The following DUSP10 variants were observed in gnomAD, a reference collection of about 807,000 sequenced individuals.
The protein encoded by DUSP10 is dual specificity phosphatase 10, also known as dual specificity protein phosphatase 10.
In DUSP10, 14 loss-of-function variants were observed where a neutral mutation model predicts 30.8. That is an observed-to-expected ratio of 0.46 (90% confidence interval 0.30 to 0.71). The LOEUF (loss-of-function observed/expected upper bound fraction) is 0.71. Ranked by LOEUF, DUSP10 falls within the 30% of genes least tolerant of loss-of-function variation. DUSP10 has a pLI of 0.08. For missense variants in DUSP10, 550 were observed against 619.4 expected (o/e 0.89, Z 1.19); for synonymous variants, 254 against 250.4 (o/e 1.01, Z -0.14).
At chr1:221,714,648 A>G (rs1365684951) in intron 2 of DUSP10, among the ~76,000 whole-genome samples, 2 of 152,142 alleles carry the variant, frequency 1.3e-5, no homozygotes, top group Non-Finnish European at 2.9e-5. Context: ...AGACTATAAA[A>G]TCTGGCACAT....
At chr1:221,729,749 G>C (rs1285038872) in intron 2 of DUSP10, among the ~76,000 whole-genome samples, 1 of 152,208 alleles carries the variant, frequency 6.6e-6, no homozygotes, top group Non-Finnish European at 1.5e-5. Context: ...ATTAACTGAT[G>C]TTCTGCTGGC....
intron 2 of DUSP10, among the ~76,000 whole-genome samples, chr1:221,716,675 C>A (rs891236140): frequency 2.6e-5 from 4 of 152,320 alleles, no homozygotes; most frequent in African/African-American, 9.6e-5. Context: ...AGGGTGCCTA[C>A]CAAGATCCAG....
At chr1:221,715,213 T>C (rs939788517) in intron 2 of DUSP10, among the ~76,000 whole-genome samples, 3 of 152,126 alleles carry the variant, frequency 2.0e-5, no homozygotes, top group Non-Finnish European at 4.4e-5. Context: ...GTAAACTGAG[T>C]CAGAAACATC....
intron 2 of DUSP10, among the ~76,000 whole-genome samples, chr1:221,732,583 CTGTTGA>C (rs1322587956): frequency 6.6e-6 from 1 of 152,200 alleles, no homozygotes; most frequent in African/African-American, 2.4e-5. Context: ...ATACCTCAGT[CTGTTGA>C]TATCTATTGA....
intron 2 of DUSP10, among the ~76,000 whole-genome samples, chr1:221,738,648 CCT>C (rs1661850937): frequency 6.6e-6 from 1 of 152,164 alleles, no homozygotes; most frequent in South Asian, 2.1e-4. Flanking sequence ...GTATAAAGCC[CCT>C]TTTTAGAAAG....
At position 221,706,042 on chromosome 1, in the gene DUSP10, G is replaced by T; in HGVS notation, c.1183+53C>A. On this transcript the variant is annotated intron_variant, in intron 3 of 3. Coordinates refer to ENST00000366899, the MANE Select transcript of DUSP10 (RefSeq NM_007207.6). This position sits in a 1 kb window ranked among gnomAD's most constrained non-coding sequence, Gnocchi z 4.6. ...CCTTGAACTTGATATCAAAGCAAGA[G>T]CTGGAGGGAAAAGGAAGGCAGCGGA... 1 of 1,572,794 alleles carries T rather than the reference G, an allele frequency of 6.4e-7. No individual in the cohort carries two copies. The highest frequency in any genetic ancestry group is 8.6e-7 in the Non-Finnish European group (1 of 1,158,058).
intron 2 of DUSP10, among the ~76,000 whole-genome samples, chr1:221,728,424 G>A (rs1029871820): frequency 3.9e-5 from 6 of 152,130 alleles, no homozygotes; most frequent in Non-Finnish European, 8.8e-5. Context: ...CTTCAAATGT[G>A]TTCATTATTA....
intron 2 of DUSP10, among the ~76,000 whole-genome samples, chr1:221,727,958 C>T (rs116575000): frequency 1.7e-3 from 262 of 152,152 alleles, no homozygotes; most frequent in Middle Eastern, 0.017. Flanking sequence ...AAAGATGGGG[C>T]CTTTAAGAGG....
At position 221,702,286 on chromosome 1, in the gene DUSP10, G is replaced by T; in HGVS notation, c.*126C>A. The T allele has an allele frequency of 9.0e-7, 1 of 1,113,932 alleles. No individual in the cohort carries two copies. Among genetic ancestry groups the T allele is most frequent in the Non-Finnish European group, 1.3e-6 (1 of 780,372 alleles). The allele number at this position is 1,113,932 out of a possible 1,614,324, so 69.0% of individuals were successfully genotyped here. A position where few individuals can be genotyped will look rare whatever the true frequency, so the allele number is the denominator to read the frequency against. On this transcript the variant is annotated 3_prime_UTR_variant, in exon 4 of 4. Coordinates refer to ENST00000366899, the MANE Select transcript of DUSP10 (RefSeq NM_007207.6). This position sits in a 1 kb window ranked among gnomAD's most constrained non-coding sequence, Gnocchi z 4.5. Reference sequence around the variant, plus strand: ...TGTTAAAAATAAAGTGTTTAAACAAGTTTGTTTCCATTCACAAACTTACTC... The same window carrying T: ...TGTTAAAAATAAAGTGTTTAAACAATTTTGTTTCCATTCACAAACTTACTC...
Position 221,739,523 on chromosome 1 carries a change from T to C in DUSP10, c.222A>G (p.Gly74=). The part of the protein sequence containing the change: ...SSGSARSLNC[G]CSSASCCTVA... Reference sequence around the variant, plus strand: ...CAGTGCAGCAGCTGGCACTGCTGCATCCACAATTCAGCGAGCGGGCAGAGC... The same window carrying C: ...CAGTGCAGCAGCTGGCACTGCTGCACCCACAATTCAGCGAGCGGGCAGAGC... Residue 74 remains glycine (G), a synonymous_variant, in exon 2 of 4, where the codon GGA becomes GGG. Coordinates refer to ENST00000366899, the MANE Select transcript of DUSP10 (RefSeq NM_007207.6). The C allele has an allele frequency of 1.9e-6, 3 of 1,614,132 alleles. No homozygotes were observed. The highest frequency in any genetic ancestry group is 2.5e-6 in the Non-Finnish European group (3 of 1,180,020).
chr1:221,731,589 C>G (rs2102647279), intron 2 of DUSP10, among the ~76,000 whole-genome samples: 1 of 149,314 alleles, frequency 6.7e-6, no homozygotes, highest in African/African-American at 2.5e-5. Context: ...TTAGAAAAGG[C>G]TAGGCTATTT....
At chr1:221,734,320 G>A (rs897390466) in intron 2 of DUSP10, among the ~76,000 whole-genome samples, 2 of 152,172 alleles carry the variant, frequency 1.3e-5, no homozygotes, top group African/African-American at 4.8e-5. Flanking sequence ...ATATGTTTTT[G>A]CAATTACTTG....
At chr1:221,732,404 G>C (rs1297336746) in intron 2 of DUSP10, among the ~76,000 whole-genome samples, 2 of 152,114 alleles carry the variant, frequency 1.3e-5, no homozygotes, top group Admixed American at 1.3e-4. Flanking sequence ...CTAATATCCA[G>C]GTAAATATAT....
intron 1 of DUSP10, among the ~76,000 whole-genome samples, chr1:221,740,017 ATGT>A (rs1398692565): frequency 6.6e-6 from 1 of 152,216 alleles, no homozygotes; most frequent in African/African-American, 2.4e-5. Flanking sequence ...TTTGGATGTA[ATGT>A]TGTAAATGTT....
Position 221,739,398 on chromosome 1 carries a change from T to G in DUSP10, c.347A>C (p.Gln116Pro). ...TGTATTCTCATTATTGTTGACCATC[T>G]GGTTAGCAGGGCAGGTGGTAGAGGT... ...IGTSTTCPAN[Q>P]MVNNNENTGS... Residue 116 changes from glutamine (Q) to proline (P), a missense_variant, in exon 2 of 4, where the codon CAG (glutamine) becomes CCG (proline). By Grantham distance (76) the Gln-to-Pro change is moderately conservative. Coordinates refer to ENST00000366899, the MANE Select transcript of DUSP10 (RefSeq NM_007207.6). 6.2e-7 allele frequency: 1 copy of G among 1,614,168 alleles called. No individual in the cohort carries two copies. The highest frequency in any genetic ancestry group is 8.5e-7 in the Non-Finnish European group (1 of 1,180,028).
chr1:221,717,934 T>C (rs1156344373), intron 2 of DUSP10, among the ~76,000 whole-genome samples: 2 of 152,142 alleles, frequency 1.3e-5, no homozygotes, highest in East Asian at 1.9e-4. Context: ...CCACTTGTAA[T>C]TCCCAGTGTA....
intron 2 of DUSP10, among the ~76,000 whole-genome samples, chr1:221,731,648 C>T (rs372078319): frequency 7.5e-6 from 1 of 133,004 alleles, no homozygotes; most frequent in Non-Finnish European, 1.5e-5. Flanking sequence ...GTCTCACTGT[C>T]GCCAGGCTGG....
chr1:221,739,605 G>A lies in DUSP10; in HGVS notation c.140C>T (p.Ala47Val), dbSNP rs1434987717. 6.2e-7 allele frequency: 1 copy of A among 1,614,190 alleles called. No homozygotes were observed. The highest frequency in any genetic ancestry group is 8.5e-7 in the Non-Finnish European group (1 of 1,180,034). The change falls in exon 2 of 4, where the codon GCC becomes GTC. Residue 47 changes from alanine (A) to valine (V), a missense_variant. Transcript: ENST00000366899. Reference sequence around the variant, plus strand: ...AGCCTTGAGGGACACAACGGTGGTGGCGATGACAGGAGGGTGGCTGTTACT... The same window carrying A: ...AGCCTTGAGGGACACAACGGTGGTGACGATGACAGGAGGGTGGCTGTTACT... ...PGSNSHPPVI[A>V]TTVVSLKAAN... is the part of the protein sequence containing the mutation.
chr1:221,703,241 C>T (rs1660661122), intron 3 of DUSP10, among the ~76,000 whole-genome samples: 1 of 150,850 alleles, frequency 6.6e-6, no homozygotes, highest in Non-Finnish European at 1.5e-5. Context: ...ATATGCAGTT[C>T]CTCTTTGGAT....
Sources: gnomAD v4.1 joint callset for allele counts (sites outside exome capture counted in the v4.1 genomes callset) on GRCh38, gnomAD v4.1.1 for gene constraint, Gnocchi (gnomAD v3.1) non-coding constraint, MANE v1.5 for transcripts, NCBI Gene and HGNC (gene_info 2026-07-23, HGNC 2026-07-21) for gene names.